Variants in LRRC49 observed in about 807,000 individuals in gnomAD.
The protein encoded by LRRC49 is leucine-rich repeat-containing protein 49.
A neutral mutation model predicts 83.3 loss-of-function variants in LRRC49; 50 were observed. The observed-to-expected ratio is 0.60, with a 90% CI of 0.48 to 0.76. LRRC49 has a LOEUF of 0.76. Ranked by LOEUF, LRRC49 falls within the 30% of genes least tolerant of loss-of-function variation. The probability of loss-of-function intolerance (pLI) is 0.00; values close to 1 mark genes in which losing one functional copy is unlikely to be tolerated. For missense variants in LRRC49, 704 were observed against 809.1 expected, an observed-to-expected ratio of 0.87 and a Z score of 1.58; for synonymous variants, 286 against 283.3, an observed-to-expected ratio of 1.01 and a Z score of -0.10.
At chr15:71,044,232 C>G (rs1208361456) in intron 15 of LRRC49, among the ~76,000 whole-genome samples, 1 of 152,150 alleles carries the variant, frequency 6.6e-6, no homozygotes, top group Admixed American at 6.5e-5. Flanking sequence ...AAGAGGCCAG[C>G]TGGAACCATT....
At position 70,984,083 on chromosome 15, in the gene LRRC49, CT is replaced by C. The variant is rs1255473959; in HGVS notation, c.1006-6del. The C allele has an allele frequency of 6.2e-7, 1 of 1,611,434 alleles. No homozygotes were observed. The highest frequency in any genetic ancestry group is 8.5e-7 in the Non-Finnish European group (1 of 1,178,688). ...ATTATATAACTTTTGTCACAATTAA[CT>C]TTTTCATAGGAGAAGAAAAGGTTAA... On this transcript the variant is annotated splice_polypyrimidine_tract_variant and intron_variant, in intron 10 of 15. Coordinates refer to ENST00000260382, the MANE Select transcript of LRRC49 (RefSeq NM_017691.5).
rs2039985151 is a variant in LRRC49, at chr15:71,050,856, T to C, written c.*1244T>C. The C allele has an allele frequency of 6.5e-6, 1 of 152,732 alleles. No homozygotes were observed. Among genetic ancestry groups the C allele is most frequent in the African/African-American group, 2.4e-5 (1 of 41,416 alleles). The allele number at this position is 152,732 out of a possible 1,614,324, so 9.5% of individuals were successfully genotyped here. On this transcript the variant is annotated 3_prime_UTR_variant, in exon 16 of 16. Transcript: ENST00000260382. ...GTTTTTTCTTTTTCTTTTTTTTTTT[T>C]TGAGACAGAGTCTTGCTCTGTCACC...
At chr15:70,900,041 A>G (rs2034003918) in intron 3 of LRRC49, among the ~76,000 whole-genome samples, 1 of 152,160 alleles carries the variant, frequency 6.6e-6, no homozygotes, top group African/African-American at 2.4e-5. Flanking sequence ...AAATATCTTA[A>G]TATTCACCTC....
chr15:70,920,780 T>C (rs1043604327), intron 7 of LRRC49, among the ~76,000 whole-genome samples: 17 of 152,332 alleles, frequency 1.1e-4, no homozygotes, highest in Middle Eastern at 3.4e-3. Flanking sequence ...GTAAGTATCA[T>C]GCATATTAAT....
chr15:70,880,173 C>T (rs1399114029), intron 2 of LRRC49, among the ~76,000 whole-genome samples: 2 of 152,192 alleles, frequency 1.3e-5, no homozygotes, highest in Admixed American at 6.5e-5. Context: ...ATCCAGGTCT[C>T]TGATCATATA....
chr15:70,999,952 A>C (rs1454872988), intron 11 of LRRC49, among the ~76,000 whole-genome samples: 1 of 152,208 alleles, frequency 6.6e-6, no homozygotes, highest in Non-Finnish European at 1.5e-5. Flanking sequence ...TCAGAGAGCC[A>C]CCAAACATGT....
chr15:71,030,883 C>A (rs2039331050), intron 14 of LRRC49, among the ~76,000 whole-genome samples: 2 of 151,954 alleles, frequency 1.3e-5, no homozygotes, highest in African/African-American at 4.8e-5. Context: ...ATTTATGTTC[C>A]TTTCTAAACT....
chr15:70,981,276 T>C (rs1345161481), intron 10 of LRRC49, among the ~76,000 whole-genome samples: 2 of 142,158 alleles, frequency 1.4e-5, no homozygotes, highest in Non-Finnish European at 3.0e-5. Flanking sequence ...TTCTTACTCA[T>C]GAGTGGGAGT....
chr15:70,943,889 T>A (rs1416298943), intron 8 of LRRC49, among the ~76,000 whole-genome samples: 1 of 152,180 alleles, frequency 6.6e-6, no homozygotes, highest in African/African-American at 2.4e-5. Flanking sequence ...TGCCTGACCA[T>A]CACCTGAGGG....
intron 14 of LRRC49, among the ~76,000 whole-genome samples, chr15:71,027,204 T>C (rs977664612): frequency 6.6e-6 from 1 of 152,206 alleles, no homozygotes; most frequent in Non-Finnish European, 1.5e-5. Context: ...TAGGGAATCC[T>C]TTCCCCATTG....
chr15:71,018,263 T>C (rs2038888666), intron 14 of LRRC49, among the ~76,000 whole-genome samples: 1 of 152,108 alleles, frequency 6.6e-6, no homozygotes, highest in South Asian at 2.1e-4. Context: ...GATATAGATA[T>C]GAGGAGTAAG....
chr15:70,901,724 T>G (rs2034089284), intron 4 of LRRC49, among the ~76,000 whole-genome samples: 1 of 152,228 alleles, frequency 6.6e-6, no homozygotes, highest in Admixed American at 6.5e-5. Flanking sequence ...TGTCTCCTAC[T>G]AGAATATATG....
At chr15:70,963,678 T>C (rs2036689538) in intron 8 of LRRC49, 107 bp from the exon 9 acceptor site, 1 of 1,287,598 alleles carries the variant, frequency 7.8e-7, no homozygotes, top group Admixed American at 2.1e-5. Flanking sequence ...TACTATCTTC[T>C]CAATTTTTCT....
chr15:70,943,609 G>A (rs1201205918), intron 8 of LRRC49, among the ~76,000 whole-genome samples: 1 of 152,162 alleles, frequency 6.6e-6, no homozygotes, highest in African/African-American at 2.4e-5. Context: ...GTGTTTACTG[G>A]AGTTGCACAC....
chr15:71,025,730 A>G (rs554062381), intron 14 of LRRC49, among the ~76,000 whole-genome samples: 133 of 151,824 alleles, frequency 8.8e-4, no homozygotes, highest in African/African-American at 3.0e-3. Flanking sequence ...AGGGGTTGCA[A>G]TCCTAGTTTC....
chr15:70,955,347 T>A (rs1033826352), intron 8 of LRRC49, among the ~76,000 whole-genome samples: 61 of 152,348 alleles, frequency 4.0e-4, no homozygotes, highest in African/African-American at 1.4e-3. Flanking sequence ...TTAAAGCCCC[T>A]GAAGACTTTT....
intron 9 of LRRC49, 74 bp downstream of exon 9, chr15:70,964,006 T>C: frequency 2.9e-6 from 4 of 1,379,518 alleles, no homozygotes; most frequent in Non-Finnish European, 4.0e-6. Context: ...GCATATTCTT[T>C]GCTTGAAATG....
chr15:70,878,107 C>T (rs1192368517), intron 2 of LRRC49, among the ~76,000 whole-genome samples: 5 of 152,094 alleles, frequency 3.3e-5, no homozygotes, highest in African/African-American at 1.2e-4. Context: ...CAGGATCACG[C>T]CACTGCACTC....
intron 5 of LRRC49, among the ~76,000 whole-genome samples, chr15:70,908,371 A>G (rs538131503): frequency 7.2e-5 from 11 of 152,306 alleles, no homozygotes; most frequent in African/African-American, 2.6e-4. Flanking sequence ...GTTGGAGACT[A>G]GGATTGTCAA....
Sources: gnomAD v4.1 joint callset for allele counts (sites outside exome capture counted in the v4.1 genomes callset) on GRCh38, gnomAD v4.1.1 for gene constraint, MANE v1.5 for transcripts, NCBI Gene and HGNC (gene_info 2026-07-23, HGNC 2026-07-21) for gene names.